Variants in SNX30 observed in about 807,000 individuals in gnomAD.
SNX30 encodes the protein sorting nexin-30.
In SNX30, 24 loss-of-function variants were observed where a neutral mutation model predicts 46.4. The observed-to-expected ratio is 0.52, with a 90% confidence interval of 0.37 to 0.73. SNX30 has a LOEUF of 0.73. Among genes scored for constraint, SNX30 ranks in the 30% least tolerant of loss-of-function variants. SNX30 has a pLI of 0.00. For synonymous variants in SNX30, 189 were observed against 211.5 expected, an observed-to-expected ratio of 0.89 and a Z score of 0.92; for missense variants, 533 against 555.7, an observed-to-expected ratio of 0.96 and a Z score of 0.41.
At chr9:112,831,768 C>T (rs1840662507) in intron 4 of SNX30, among the ~76,000 whole-genome samples, 1 of 152,208 alleles carries the variant, frequency 6.6e-6, no homozygotes, top group South Asian at 2.1e-4. Flanking sequence ...AGTTGGTTGT[C>T]CACTGGCCTT....
Position 112,836,223 on chromosome 9 carries a change from G to A in SNX30, c.628G>A (p.Ala210Thr), listed in dbSNP as rs753319660. Reference sequence around the variant, plus strand: ...CACATATCATCCTCAGGACCTGAACGCCTACAAGAAGCAAGGGATAGCATT... The same window carrying A: ...CACATATCATCCTCAGGACCTGAACACCTACAAGAAGCAAGGGATAGCATT... ...NIFLTAKDLN[A>T]YKKQGIALLT... Residue 210 changes from alanine (A) to threonine (T), a missense_variant, in exon 5 of 9, where the codon GCC (alanine) becomes ACC (threonine). This residue lies in a region of SNX30 where 81 missense variants were observed against 124.4 expected (regional missense o/e 0.65). Coordinates refer to ENST00000374232, the MANE Select transcript of SNX30 (RefSeq NM_001012994.2). 1.6e-5 allele frequency: 26 copies of A among 1,592,032 alleles called. No individual in the cohort carries two copies. The highest frequency in any genetic ancestry group is 6.6e-5 in the South Asian group (6 of 90,532).
chr9:112,778,480 C>T (rs1308099704), intron 1 of SNX30, among the ~76,000 whole-genome samples: 2 of 152,126 alleles, frequency 1.3e-5, no homozygotes, highest in East Asian at 3.9e-4. Flanking sequence ...CCATGTTGGC[C>T]AGGCTGGTCG....
intron 4 of SNX30, 46 bp from the exon 5 acceptor site, chr9:112,836,168 A>T: frequency 6.5e-7 from 1 of 1,528,146 alleles, no homozygotes; most frequent in Non-Finnish European, 8.9e-7. Context: ...AGTCCTGCCC[A>T]TGTGAGTGAG....
chr9:112,765,757 A>G (rs1361742378), intron 1 of SNX30, among the ~76,000 whole-genome samples: 2 of 152,176 alleles, frequency 1.3e-5, no homozygotes, highest in Non-Finnish European at 2.9e-5. Context: ...AAACATATCC[A>G]TCACCTCACA....
chr9:112,782,509 CT>C (rs1311300966), intron 1 of SNX30, among the ~76,000 whole-genome samples: 1 of 152,218 alleles, frequency 6.6e-6, no homozygotes, highest in Non-Finnish European at 1.5e-5. Context: ...TTGCTGACCC[CT>C]GGTATAAATC....
At chr9:112,814,068 G>A (rs1840360313) in intron 2 of SNX30, among the ~76,000 whole-genome samples, 1 of 152,064 alleles carries the variant, frequency 6.6e-6, no homozygotes, top group Non-Finnish European at 1.5e-5. Flanking sequence ...CTTGCAGTGG[G>A]GATGGCCTTC....
intron 1 of SNX30, among the ~76,000 whole-genome samples, chr9:112,753,198 T>A (rs892258362): frequency 3.9e-5 from 6 of 152,120 alleles, no homozygotes; most frequent in African/African-American, 1.4e-4. Flanking sequence ...AACGATTCAC[T>A]CATGGATGAT....
At chr9:112,785,178 G>T (rs1033677273) in intron 1 of SNX30, among the ~76,000 whole-genome samples, 4 of 151,922 alleles carry the variant, frequency 2.6e-5, no homozygotes, top group African/African-American at 9.7e-5. Context: ...CTTGAAGAAG[G>T]TTGCTTACAA....
chr9:112,855,720 A>G (rs907144614), intron 7 of SNX30, among the ~76,000 whole-genome samples: 4 of 152,160 alleles, frequency 2.6e-5, no homozygotes, highest in African/African-American at 9.7e-5. Flanking sequence ...GGCTGGAGAA[A>G]GCTCAGCAGA....
chr9:112,873,328 A>T lies in SNX30; in HGVS notation c.*4485A>T, dbSNP rs1299197789. 2.0e-5 allele frequency: 3 copies of T among 152,350 alleles called. No individual in the cohort carries two copies. The highest frequency in any genetic ancestry group is 1.9e-4 in the East Asian group (1 of 5,192). 9.4% of individuals were successfully genotyped at this position (152,350 alleles called of 1,614,324 possible). The stretch of plus-strand genomic sequence containing the variant: ...TTGAAAATCAACAAATCCAGAATTT[A>T]AAAAAATGCCACAGACTTTTCAAAG... On this transcript the variant is annotated 3_prime_UTR_variant, in exon 9 of 9. Transcript: ENST00000374232.
chr9:112,777,403 A>G (rs1479174801), intron 1 of SNX30, among the ~76,000 whole-genome samples: 12 of 151,534 alleles, frequency 7.9e-5, no homozygotes, highest in Admixed American at 7.2e-4. Context: ...CGTCTTCCAT[A>G]TAATCTTTTT....
intron 2 of SNX30, among the ~76,000 whole-genome samples, chr9:112,812,481 C>G (rs926256306): frequency 2.6e-5 from 4 of 152,154 alleles, no homozygotes; most frequent in Admixed American, 6.5e-5. Context: ...GTCTTGAACT[C>G]TTGACCAAGT....
In SNX30 at chr9:112,872,655, A is replaced by G. The variant is rs914940707; in HGVS notation, c.*3812A>G. ...CTGGACTCCACCTTCCCAGACACCT[A>G]CTTTAAGGACCTGTGGAAACTGGGT... On this transcript the variant is annotated 3_prime_UTR_variant, in exon 9 of 9. Transcript: ENST00000374232. The G allele has an allele frequency of 2.0e-5, 3 of 152,152 alleles. No individual in the cohort carries two copies. Among genetic ancestry groups the G allele is most frequent in the South Asian group, 2.1e-4 (1 of 4,818 alleles). The allele number at this position is 152,152 out of a possible 1,614,324, so 9.4% of individuals were successfully genotyped here. A position where few individuals can be genotyped will look rare whatever the true frequency, so the allele number is the denominator to read the frequency against.
At chr9:112,851,860 G>A (rs1841033425) in intron 7 of SNX30, among the ~76,000 whole-genome samples, 1 of 152,140 alleles carries the variant, frequency 6.6e-6, no homozygotes, top group South Asian at 2.1e-4. Context: ...GCTCCTGGGT[G>A]GGATTGCAGA....
Position 112,850,964 on chromosome 9 carries a change from G to T in SNX30, c.1101+19G>T. On this transcript the variant is annotated intron_variant, in intron 7 of 8. Transcript: ENST00000374232. ...CCCCAAGGTCAGGGAAGCCACCTGG[G>T]AAGGGCTGCAAAGCTGTAGTCTCCC... 2.5e-6 allele frequency: 4 copies of T among 1,602,220 alleles called. No individual in the cohort carries two copies. Among genetic ancestry groups the T allele is most frequent in the Non-Finnish European group, 3.4e-6 (4 of 1,169,498 alleles).
chr9:112,847,932 C>T (rs1407386126), intron 6 of SNX30, among the ~76,000 whole-genome samples: 1 of 152,080 alleles, frequency 6.6e-6, no homozygotes, highest in Non-Finnish European at 1.5e-5. Flanking sequence ...ATTTTACTTG[C>T]TTCTTGTCTG....
At chr9:112,776,711 G>A (rs1839753546) in intron 1 of SNX30, among the ~76,000 whole-genome samples, 1 of 151,788 alleles carries the variant, frequency 6.6e-6, no homozygotes, top group Non-Finnish European at 1.5e-5. Context: ...GCTGTGGTGA[G>A]TGGATAGGGG....
chr9:112,764,373 C>CGTTGTT (rs904184949), intron 1 of SNX30, among the ~76,000 whole-genome samples: 1 of 152,008 alleles, frequency 6.6e-6, no homozygotes, highest in East Asian at 1.9e-4. Flanking sequence ...TGTTTGTCGT[C>CGTTGTT]GTTGTTGTTG....
intron 4 of SNX30, among the ~76,000 whole-genome samples, chr9:112,832,588 G>C (rs1260768214): frequency 7.4e-6 from 1 of 134,952 alleles, no homozygotes; most frequent in Non-Finnish European, 1.6e-5. Context: ...AGAACACATG[G>C]ACACAGGAAG....
Sources: allele counts gnomAD v4.1 joint callset (sites outside exome capture counted in the v4.1 genomes callset), GRCh38; gene constraint gnomAD v4.1.1; regional missense constraint gnomAD v4.1.1; transcripts MANE v1.5; gene names NCBI Gene and HGNC (gene_info 2026-07-23, HGNC 2026-07-21).